The following MZF1 variants were observed in gnomAD, a reference collection of about 807,000 sequenced individuals.
The protein encoded by MZF1 is zinc finger and SCAN domain-containing protein 6.
MZF1 carries 24 observed loss-of-function variants against 28.6 expected under a neutral mutation model. That is an observed-to-expected ratio of 0.84 (90% CI 0.61 to 1.18). The LOEUF (loss-of-function observed/expected upper bound fraction) is 1.18. MZF1 is among the 50% of genes most tolerant of loss of function. MZF1 has a pLI of 0.00. For synonymous variants in MZF1, 516 were observed against 432.5 expected, an observed-to-expected ratio of 1.19 and a Z score of -2.40; for missense variants, 1,166 against 1,026.4, an observed-to-expected ratio of 1.14 and a Z score of -1.86.
rs1454904759 is a variant in MZF1, at chr19:58,571,189, C to G, written c.201G>C (p.Glu67Asp). The change falls in exon 2 of 6, where the codon GAG (glutamate) becomes GAC (aspartate). Residue 67 changes from glutamate to aspartate, a missense_variant. Coordinates refer to ENST00000215057, the MANE Select transcript of MZF1 (RefSeq NM_198055.2). Reference sequence around the variant, plus strand: ...CTGGACGCAGCCACTGGCGACACAGCTCTCGGAGCTGGGCCAGGGCCTCTT... The same window carrying G: ...CTGGACGCAGCCACTGGCGACACAGGTCTCGGAGCTGGGCCAGGGCCTCTT... Reference protein sequence around the residue: ...GPQEALAQLRELCRQWLRPEV... With the variant: ...GPQEALAQLRDLCRQWLRPEV... The G allele has an allele frequency of 6.2e-7, 1 of 1,613,414 alleles. No homozygotes were observed. Among genetic ancestry groups the G allele is most frequent in the Admixed American group, 1.7e-5 (1 of 59,852 alleles).
At chr19:58,563,611 A>G in intron 5 of MZF1, 107 bp from the exon 6 acceptor site, 1 of 928,200 alleles carries the variant, frequency 1.1e-6, no homozygotes, top group Non-Finnish European at 1.6e-6. Flanking sequence ...AAACTGACCA[A>G]AGAGGCAGAC....
rs865838620 is a variant in MZF1, at chr19:58,564,911, T to G, written c.773-1407A>C. On this transcript the variant is annotated intron_variant, in intron 5 of 5. Transcript: ENST00000215057. ...AAGCATCCATGTGTGTGTTTTTTTT[T>G]TTTTTTTTTTTTTTTTTTTTTTTTT... Among the ~76,000 whole-genome samples the G allele has an allele frequency of 1.4e-3, 123 of 85,184 alleles. 1 individual carries two copies. The highest frequency in any genetic ancestry group is 1.9e-3 in the Non-Finnish European group (80 of 43,216). The allele number at this position is 85,184 out of a possible 152,430, so 55.9% of individuals were successfully genotyped here.
Position 58,571,430 on chromosome 19 carries a change from CT to C in MZF1, c.-40-2del, listed in dbSNP as rs752583951. Reference sequence around the variant, plus strand: ...AGGTATCTGAGGCCAGTGTCTGCCCCTGGTGAAGAAATAGGATGAGGCTGTT... The same window carrying C: ...AGGTATCTGAGGCCAGTGTCTGCCCCGGTGAAGAAATAGGATGAGGCTGTT... On this transcript the variant is annotated splice_acceptor_variant, in intron 1 of 5. Transcript: ENST00000215057. LOFTEE classifies it low-confidence loss of function (5UTR_SPLICE). 9.9e-6 allele frequency: 16 copies of C among 1,609,268 alleles called. No homozygotes were observed. The highest frequency in any genetic ancestry group is 1.3e-5 in the African/African-American group (1 of 74,690).
rs957284307 is a variant in MZF1 at position 58,569,095 on chromosome 19, G to A, written c.772+182C>T. The A allele has an allele frequency of 8.5e-5, 61 of 714,448 alleles. 2 individuals carry two copies. The Admixed American group carries it at 1.9e-3, about 22-fold the overall frequency. 44.3% of individuals were successfully genotyped at this position (714,448 alleles called of 1,614,324 possible). A position where few individuals can be genotyped will look rare whatever the true frequency, so the allele number is the denominator to read the frequency against. ...TGTGGGATCAGTGGTAGTGGTGGGT[G>A]GCTTTTTTTGAGGGCAGAAGATGCT... On this transcript the variant is annotated intron_variant, in intron 5 of 5. Transcript: ENST00000215057.
chr19:58,562,896 T>G lies in MZF1; in HGVS notation c.1381A>C (p.Ile461Leu). Residue 461 changes from isoleucine to leucine, a missense_variant, in exon 6 of 6, where the codon ATC (isoleucine) becomes CTC (leucine). Coordinates refer to ENST00000215057, the MANE Select transcript of MZF1 (RefSeq NM_198055.2). ...QRSNLLQHQR[I>L]HGDPPGPGAK... is the part of the protein sequence containing the mutation. ...CCAGGGCCCGGGGGATCGCCGTGGATGCGCTGGTGCTGCAGCAGATTGGAG... is the reference window on the plus strand; with the variant it reads ...CCAGGGCCCGGGGGATCGCCGTGGAGGCGCTGGTGCTGCAGCAGATTGGAG... 6.3e-7 allele frequency: 1 copy of G among 1,577,904 alleles called. No individual in the cohort carries two copies. Among genetic ancestry groups the G allele is most frequent in the Non-Finnish European group, 8.6e-7 (1 of 1,168,004 alleles).
Position 58,562,787 on chromosome 19 carries a change from C to G in MZF1, c.1490G>C (p.Arg497Pro). ...CGCCTGGTGCTCCAGCAGCACGGCGCGCCGCGCGAAGCTCTCGCGGCACTC... is the reference window on the plus strand; with the variant it reads ...CGCCTGGTGCTCCAGCAGCACGGCGGGCCGCGCGAAGCTCTCGCGGCACTC... The part of the protein sequence containing the change: ...CSECRESFAR[R>P]AVLLEHQAVH... Residue 497 changes from arginine to proline, a missense_variant, in exon 6 of 6, where the codon CGC becomes CCC. Arg to Pro is a moderately radical substitution (Grantham distance 103, BLOSUM62 -2). Transcript: ENST00000215057. 6.5e-7 allele frequency: 1 copy of G among 1,534,518 alleles called. No homozygotes were observed. The highest frequency in any genetic ancestry group is 8.7e-7 in the Non-Finnish European group (1 of 1,146,324).
Position 58,564,898 on chromosome 19 carries a change from G to GTTTTTTT in MZF1, c.773-1395_773-1394insAAAAAAA, listed in dbSNP as rs1600099960. 1.4e-3 allele frequency among the ~76,000 whole-genome samples: 130 copies of GTTTTTTT among 91,944 alleles called. 25 individuals are homozygous for GTTTTTTT. Among genetic ancestry groups the GTTTTTTT allele is most frequent in the African/African-American group, 6.5e-3 (124 of 18,944 alleles). The allele number at this position is 91,944 out of a possible 152,430, so 60.3% of individuals were successfully genotyped here. A position where few individuals can be genotyped will look rare whatever the true frequency, so the allele number is the denominator to read the frequency against. On this transcript the variant is annotated intron_variant, in intron 5 of 5. Coordinates refer to ENST00000215057, the MANE Select transcript of MZF1 (RefSeq NM_198055.2). ...CAGGGTGGAGAATAAGCATCCATGT[G>GTTTTTTT]TGTGTTTTTTTTTTTTTTTTTTTTT...
In MZF1 at chr19:58,562,242, G is replaced by T. The variant is rs1296672922; in HGVS notation, c.2035C>A (p.Arg679=). 14 of 1,605,048 alleles carry T rather than the reference G, an allele frequency of 8.7e-6. No individual in the cohort carries two copies. Among genetic ancestry groups the T allele is most frequent in the Non-Finnish European group, 1.2e-5 (14 of 1,177,104 alleles). The change falls in exon 6 of 6, where the codon CGG becomes AGG. Residue 679 remains arginine, a synonymous_variant. Transcript: ENST00000215057. ...CCACACTCAGGGCATGCGTAGGGCC[G>T]TTCACCCGTGTGGATGCGCCGGTGC... ...TQHRRIHTGE[R]PYACPECGKA...
intron 5 of MZF1, chr19:58,568,941 A>C: frequency 4.3e-6 from 1 of 234,222 alleles, no homozygotes; most frequent in Non-Finnish European, 8.5e-6. Flanking sequence ...CTGATGCCTG[A>C]CCAGCAGGAT....
At chr19:58,569,633 C>T (rs1349482892) in intron 3 of MZF1, 47 bp from the exon 4 acceptor site, 1 of 1,473,314 alleles carries the variant, frequency 6.8e-7, no homozygotes, top group African/African-American at 1.4e-5. Flanking sequence ...GTTTCCACCC[C>T]ACTGCCCTTC....
intron 5 of MZF1, 24 bp downstream of exon 5, chr19:58,569,253 C>G (rs975913319): frequency 8.9e-6 from 14 of 1,570,950 alleles, no homozygotes; most frequent in Admixed American, 1.8e-5. Flanking sequence ...AAGGCCTAGT[C>G]CCACCACACC....
Position 58,562,541 on chromosome 19 carries a change from C to G in MZF1, c.1736G>C (p.Arg579Pro), listed in dbSNP as rs921598469. 1.9e-6 allele frequency: 3 copies of G among 1,607,008 alleles called. No individual in the cohort carries two copies. The highest frequency in any genetic ancestry group is 2.5e-6 in the Non-Finnish European group (3 of 1,177,908). The change falls in exon 6 of 6, where the codon CGC (arginine) becomes CCC (proline). Residue 579 changes from arginine to proline, a missense_variant. By Grantham distance (103) the Arg-to-Pro change is moderately radical. Coordinates refer to ENST00000215057, the MANE Select transcript of MZF1 (RefSeq NM_198055.2). ...ATGCTGCGTGAGCGTAGGCCGCTGG[C>G]GGAAGGCCTTGCCACACTCGGCGCA... is the stretch of plus-strand genomic sequence containing the variant. ...FACAECGKAF[R>P]QRPTLTQHLR...
At chr19:58,570,687 C>T in intron 2 of MZF1, 160 bp from the exon 3 acceptor site, 1 of 809,528 alleles carries the variant, frequency 1.2e-6, no homozygotes, top group Non-Finnish European at 1.9e-6. Flanking sequence ...AGGCCCTGAG[C>T]AAAGAATGAA....
intron 5 of MZF1, 33 bp from the exon 6 acceptor site, chr19:58,563,537 A>AG (rs758547708): frequency 3.1e-5 from 46 of 1,474,234 alleles, no homozygotes; most frequent in Non-Finnish European, 4.0e-5. Context: ...CATTCATGAC[A>AG]GAATGCCCAC....
intron 5 of MZF1, chr19:58,568,995 T>C (rs1483646181): frequency 1.9e-5 from 6 of 320,602 alleles, no homozygotes; most frequent in Admixed American, 4.7e-5. Context: ...TGGGAGAGAA[T>C]GTGGGTACGG....
At chr19:58,567,016 C>A (rs973906085) in intron 5 of MZF1, among the ~76,000 whole-genome samples, 10 of 152,048 alleles carry the variant, frequency 6.6e-5, no homozygotes, top group African/African-American at 2.4e-4. Context: ...GATTCTCCCA[C>A]CTCAGCCTCC....
In MZF1 at chr19:58,563,425, G is replaced by A. The variant is rs1257067776; in HGVS notation, c.852C>T (p.Gly284=). The A allele has an allele frequency of 6.3e-6, 10 of 1,592,360 alleles. No homozygotes were observed. Among genetic ancestry groups the A allele is most frequent in the Non-Finnish European group, 8.6e-6 (10 of 1,169,396 alleles). ...GGATCTGGCCAGAAAGGCCAGCCATGCCGAGGTCCCAGGGGACGTGGAGGT... is the reference window on the plus strand; with the variant it reads ...GGATCTGGCCAGAAAGGCCAGCCATACCGAGGTCCCAGGGGACGTGGAGGT... ...SPHLHVPWDL[G]MAGLSGQIQS... is the part of the protein sequence containing the mutation. The change falls in exon 6 of 6, where the codon GGC becomes GGT. Residue 284 remains glycine (G), a synonymous_variant. Transcript: ENST00000215057.
chr19:58,563,124 C>T lies in MZF1; in HGVS notation c.1153G>A (p.Val385Met). The T allele has an allele frequency of 6.2e-7, 1 of 1,607,760 alleles. No homozygotes were observed. The highest frequency in any genetic ancestry group is 8.5e-7 in the Non-Finnish European group (1 of 1,179,620). Residue 385 changes from valine (V) to methionine (M), a missense_variant, in exon 6 of 6, where the codon GTG becomes ATG. Physicochemically the swap from Val to Met is conservative, Grantham distance 21 (BLOSUM62 1). Coordinates refer to ENST00000215057, the MANE Select transcript of MZF1 (RefSeq NM_198055.2). ...QKIHTGERPF[V>M]CSECGRSFSR... Reference sequence around the variant, plus strand: ...AAGCTGCGGCCGCACTCGCTGCACACGAATGGTCGCTCACCCGTGTGGATC... The same window carrying T: ...AAGCTGCGGCCGCACTCGCTGCACATGAATGGTCGCTCACCCGTGTGGATC...
At chr19:58,565,858 G>A (rs1222210334) in intron 5 of MZF1, among the ~76,000 whole-genome samples, 10 of 149,014 alleles carry the variant, frequency 6.7e-5, no homozygotes, top group Non-Finnish European at 1.2e-4. Context: ...GAGAGGAATG[G>A]GGCTGGGCAC....
Sources: allele counts gnomAD v4.1 joint callset (sites outside exome capture counted in the v4.1 genomes callset), GRCh38; gene constraint gnomAD v4.1.1; transcripts MANE v1.5; gene names NCBI Gene and HGNC (gene_info 2026-07-23, HGNC 2026-07-21).